The following PIK3C2G variants were observed in gnomAD, a reference collection of about 807,000 sequenced individuals.
PIK3C2G encodes phosphatidylinositol 3-kinase C2 domain-containing subunit gamma.
In PIK3C2G, 168 loss-of-function variants were observed where a neutral mutation model predicts 181.1. The ratio of observed to expected loss-of-function variants is 0.93; its 90% confidence interval spans 0.82 to 1.05. PIK3C2G has a LOEUF of 1.05. Among genes scored for constraint, PIK3C2G ranks in the 50% least tolerant of loss-of-function variants. The pLI, the probability that PIK3C2G is intolerant of heterozygous loss-of-function variation, is 0.00. For synonymous variants in PIK3C2G, 573 were observed against 592.2 expected (o/e 0.97, Z 0.47); for missense variants, 1,869 against 1,732.8 (o/e 1.08, Z -1.40).
chr12:18,722,705 C>T, the PIK3C2G span, among the ~76,000 whole-genome samples: 7 of 152,020 alleles, frequency 4.6e-5, no homozygotes, highest in South Asian at 1.5e-3. Context: ...ACAAAGATCA[C>T]AAATTCTATG....
intron 26 of PIK3C2G, among the ~76,000 whole-genome samples, chr12:18,553,031 G>A (rs1005836296): frequency 6.6e-5 from 10 of 151,928 alleles, no homozygotes; most frequent in Admixed American, 2.0e-4. Flanking sequence ...TCCAGATGGC[G>A]CTGTTTCCCA....
chr12:18,679,713 G>GA, the PIK3C2G span, among the ~76,000 whole-genome samples: 1 of 151,940 alleles, frequency 6.6e-6, no homozygotes, highest in Non-Finnish European at 1.5e-5. Context: ...TAATACATTA[G>GA]AAAAAAGACT....
chr12:18,376,348 G>A (rs1482841532), intron 13 of PIK3C2G, among the ~76,000 whole-genome samples: 3 of 152,180 alleles, frequency 2.0e-5, no homozygotes, highest in African/African-American at 7.2e-5. Context: ...ACTTCCATGG[G>A]ACCTGTAACT....
At chr12:18,328,745 T>C (rs1173216829) in intron 8 of PIK3C2G, among the ~76,000 whole-genome samples, 1 of 152,012 alleles carries the variant, frequency 6.6e-6, no homozygotes. Flanking sequence ...TGATGGAAGA[T>C]AAAACATTTT....
At chr12:18,350,166 G>A (rs1030076613) in intron 11 of PIK3C2G, among the ~76,000 whole-genome samples, 13 of 152,168 alleles carry the variant, frequency 8.5e-5, no homozygotes, top group African/African-American at 3.1e-4. Context: ...GTGAAAGTGA[G>A]TCCAGAGCAA....
At chr12:18,671,659 T>G in the PIK3C2G span, among the ~76,000 whole-genome samples, 179 of 152,226 alleles carry the variant, frequency 1.2e-3, 1 homozygote, top group African/African-American at 4.2e-3. Context: ...AAAAAAAAAT[T>G]TCATTATTGC....
chr12:18,580,918 G>A (rs1053315613), intron 29 of PIK3C2G, among the ~76,000 whole-genome samples: 1 of 152,180 alleles, frequency 6.6e-6, no homozygotes, highest in Non-Finnish European at 1.5e-5. Flanking sequence ...AATTCTAGAT[G>A]TTGGCTGACC....
At chr12:18,406,270 C>T (rs1944523973) in intron 16 of PIK3C2G, among the ~76,000 whole-genome samples, 1 of 152,116 alleles carries the variant, frequency 6.6e-6, no homozygotes, top group African/African-American at 2.4e-5. Flanking sequence ...TGTCGTTATC[C>T]ATTCATCCTT....
upstream of PIK3C2G, among the ~76,000 whole-genome samples, chr12:18,257,451 C>A (rs1315553431): frequency 2.6e-5 from 4 of 152,022 alleles, no homozygotes; most frequent in African/African-American, 7.2e-5. Context: ...ACTGAGATCA[C>A]CACTGGGACT....
chr12:18,399,194 C>CAAAAA (rs536592064), intron 15 of PIK3C2G, among the ~76,000 whole-genome samples: 2 of 80,462 alleles, frequency 2.5e-5, no homozygotes, highest in Non-Finnish European at 2.7e-5. Flanking sequence ...GACTCCGTCT[C>CAAAAA]AAAAAAAAAA....
At chr12:18,702,408 C>T in the PIK3C2G span, among the ~76,000 whole-genome samples, 1 of 152,064 alleles carries the variant, frequency 6.6e-6, no homozygotes, top group African/African-American at 2.4e-5. Context: ...GTTATTCCTG[C>T]CCTTAGGATA....
chr12:18,643,102 T>G (rs1461380907), intron 32 of PIK3C2G, among the ~76,000 whole-genome samples: 2 of 152,026 alleles, frequency 1.3e-5, no homozygotes, highest in Non-Finnish European at 2.9e-5. Context: ...TCAGAACAAT[T>G]TAAATAAACT....
chr12:18,502,435 G>C (rs567789676), intron 22 of PIK3C2G, among the ~76,000 whole-genome samples: 1 of 152,210 alleles, frequency 6.6e-6, no homozygotes, highest in South Asian at 2.1e-4. Context: ...TGCAATTGTC[G>C]AGACTATGGA....
At chr12:18,345,564 T>C (rs1939593157) in intron 10 of PIK3C2G, among the ~76,000 whole-genome samples, 2 of 152,174 alleles carry the variant, frequency 1.3e-5, no homozygotes, top group South Asian at 4.1e-4. Flanking sequence ...GCTGGCCCCT[T>C]TCCTGAAGCA....
At chr12:18,488,345 C>T in intron 18 of PIK3C2G, 104 bp from the exon 19 acceptor site, 1 of 635,626 alleles carries the variant, frequency 1.6e-6, no homozygotes, top group South Asian at 4.4e-5. Flanking sequence ...CTGCCCAAAG[C>T]CACCAAATAC....
rs1946852024 is a variant in PIK3C2G, at chr12:18,587,537, T to C, written c.4012-6957T>C. Among the ~76,000 whole-genome samples, 3 of 152,008 alleles carry C rather than the reference T, an allele frequency of 2.0e-5. No homozygotes were observed. In the South Asian group the frequency reaches 6.2e-4, roughly 31 times the overall value. On this transcript the variant is annotated intron_variant, in intron 29 of 32. Coordinates refer to ENST00000538779, the MANE Select transcript of PIK3C2G (RefSeq NM_001288772.2). ...CTCTACAATGAGAATTACAAAACAC[T>C]GCTCAAAGAAATCAAAGATGACACA...
intron 30 of PIK3C2G, among the ~76,000 whole-genome samples, chr12:18,597,644 C>G (rs1457458199): frequency 6.6e-6 from 1 of 151,906 alleles, no homozygotes; most frequent in Non-Finnish European, 1.5e-5. Context: ...GAAGTTCTGG[C>G]CAGGGCAATT....
intron 30 of PIK3C2G, among the ~76,000 whole-genome samples, chr12:18,595,124 T>C (rs1223670258): frequency 6.6e-6 from 1 of 152,110 alleles, no homozygotes; most frequent in Non-Finnish European, 1.5e-5. Context: ...AGAATACATA[T>C]TTCCTAGCAC....
At chr12:18,599,086 G>C (rs1481124619) in intron 30 of PIK3C2G, among the ~76,000 whole-genome samples, 29 of 152,104 alleles carry the variant, frequency 1.9e-4, no homozygotes, top group Admixed American at 1.8e-3. Context: ...GGAAGTCAGT[G>C]TGGCAATTCC....
Sources: allele counts gnomAD v4.1 joint callset (sites outside exome capture counted in the v4.1 genomes callset), GRCh38; gene constraint gnomAD v4.1.1; transcripts MANE v1.5; gene names NCBI Gene and HGNC (gene_info 2026-07-23, HGNC 2026-07-21).